The following ZNF804B variants were observed in gnomAD, a reference collection of about 807,000 sequenced individuals.
The protein encoded by ZNF804B is zinc finger protein 804B, also known as zinc finger 804B.
In ZNF804B, 80 loss-of-function variants were observed where a neutral mutation model predicts 101.4. The ratio of observed to expected loss-of-function variants is 0.79; its 90% CI spans 0.66 to 0.95. The LOEUF is 0.95. ZNF804B is among the 40% of genes least tolerant of loss of function. The probability of loss-of-function intolerance (pLI) is 0.00; values close to 1 mark genes in which losing one functional copy is unlikely to be tolerated. For synonymous variants in ZNF804B, 622 were observed against 558.8 expected (o/e 1.11, Z -1.59); for missense variants, 1,673 against 1,561.9 (o/e 1.07, Z -1.20).
At chr7:88,790,269 T>A (rs1373452836) in intron 1 of ZNF804B, among the ~76,000 whole-genome samples, 1 of 152,188 alleles carries the variant, frequency 6.6e-6, no homozygotes, top group Non-Finnish European at 1.5e-5. Flanking sequence ...TCTTTATTTT[T>A]AAAATATTTT....
chr7:88,875,962 G>A (rs542541978), intron 1 of ZNF804B, among the ~76,000 whole-genome samples: 5 of 152,152 alleles, frequency 3.3e-5, no homozygotes, highest in East Asian at 1.9e-4. Flanking sequence ...CTTATCCACT[G>A]TGAGCAAGTG....
chr7:88,767,954 G>A (rs138896865), intron 1 of ZNF804B, among the ~76,000 whole-genome samples: 19 of 152,218 alleles, frequency 1.2e-4, no homozygotes, highest in African/African-American at 4.6e-4. Flanking sequence ...CCTTTCACAG[G>A]TCAAGTGCAT....
intron 1 of ZNF804B, among the ~76,000 whole-genome samples, chr7:89,214,263 A>C (rs1788851418): frequency 6.6e-6 from 1 of 152,236 alleles, no homozygotes; most frequent in Admixed American, 6.5e-5. Flanking sequence ...AGTGATTAAC[A>C]AGAAGCTTTC....
chr7:89,015,653 A>G (rs1788540347), intron 1 of ZNF804B, among the ~76,000 whole-genome samples: 2 of 152,264 alleles, frequency 1.3e-5, no homozygotes, highest in Non-Finnish European at 1.5e-5. Context: ...ATGTCCCTAC[A>G]AAGGACATGA....
At chr7:89,230,078 AG>A (rs1789166363) in intron 2 of ZNF804B, among the ~76,000 whole-genome samples, 1 of 152,146 alleles carries the variant, frequency 6.6e-6, no homozygotes, top group African/African-American at 2.4e-5. Context: ...TATTGAAAAA[AG>A]AAATATCAAA....
chr7:88,761,725 A>T (rs1330519471), intron 1 of ZNF804B, among the ~76,000 whole-genome samples: 1 of 152,140 alleles, frequency 6.6e-6, no homozygotes, highest in African/African-American at 2.4e-5. Flanking sequence ...AGGGCATTGT[A>T]CTGTTTGTGC....
At chr7:88,786,962 G>A (rs879365099) in intron 1 of ZNF804B, among the ~76,000 whole-genome samples, 5 of 152,072 alleles carry the variant, frequency 3.3e-5, no homozygotes, top group Non-Finnish European at 7.4e-5. Context: ...ACACAAACAT[G>A]GCAGCAGAAT....
intron 1 of ZNF804B, among the ~76,000 whole-genome samples, chr7:89,000,967 AT>A (rs1377591496): frequency 1.5e-4 from 22 of 147,674 alleles, no homozygotes; most frequent in East Asian, 1.4e-3. Flanking sequence ...CAAATTTTAT[AT>A]AATCATATAA....
intron 1 of ZNF804B, among the ~76,000 whole-genome samples, chr7:89,138,269 C>T (rs1377897403): frequency 6.6e-6 from 1 of 152,082 alleles, no homozygotes; most frequent in Non-Finnish European, 1.5e-5. Context: ...GGGCCATTGT[C>T]CTCCAGACCT....
chr7:89,236,063 A>G (rs748352971), intron 2 of ZNF804B, among the ~76,000 whole-genome samples: 48 of 152,244 alleles, frequency 3.2e-4, no homozygotes, highest in Non-Finnish European at 6.5e-4. Context: ...AATGCTTAGT[A>G]GGTGTAATAA....
chr7:88,798,105 T>C (rs1428213694), intron 1 of ZNF804B, among the ~76,000 whole-genome samples: 1 of 152,050 alleles, frequency 6.6e-6, no homozygotes, highest in African/African-American at 2.4e-5. Flanking sequence ...CCTTGATGGC[T>C]TCCCCCTTCT....
At chr7:88,974,662 A>T (rs1793589406) in intron 1 of ZNF804B, among the ~76,000 whole-genome samples, 1 of 151,270 alleles carries the variant, frequency 6.6e-6, no homozygotes, top group Non-Finnish European at 1.5e-5. Context: ...TTTAATTTTT[A>T]TGGGTATGTA....
intron 1 of ZNF804B, among the ~76,000 whole-genome samples, chr7:89,011,532 A>G (rs566245500): frequency 6.6e-6 from 1 of 152,328 alleles, no homozygotes; most frequent in East Asian, 1.9e-4. Context: ...CTTCCTAGAT[A>G]CAATAGAGAT....
At chr7:89,134,244 G>A (rs1357366550) in intron 1 of ZNF804B, among the ~76,000 whole-genome samples, 2 of 152,052 alleles carry the variant, frequency 1.3e-5, no homozygotes, top group African/African-American at 4.8e-5. Flanking sequence ...TATCTGCTAA[G>A]TAACCAACCA....
At chr7:88,938,728 A>G (rs1793011011) in intron 1 of ZNF804B, among the ~76,000 whole-genome samples, 1 of 152,058 alleles carries the variant, frequency 6.6e-6, no homozygotes, top group South Asian at 2.1e-4. Flanking sequence ...AGTAGAAAGT[A>G]CTGAGATAAA....
chr7:89,215,338 C>T (rs61472109), intron 1 of ZNF804B, among the ~76,000 whole-genome samples: 6 of 152,052 alleles, frequency 3.9e-5, no homozygotes, highest in Non-Finnish European at 8.8e-5. Context: ...ACTTAAAGAA[C>T]GTTTTAGAAA....
chr7:89,241,893 CTTTTTTT>C (rs76245356), intron 2 of ZNF804B, among the ~76,000 whole-genome samples: 1 of 133,626 alleles, frequency 7.5e-6, no homozygotes, highest in South Asian at 2.4e-4. Context: ...CTACCTTTTT[CTTTTTTT>C]TTTTTTTCTC....
intron 2 of ZNF804B, among the ~76,000 whole-genome samples, chr7:89,284,450 G>C (rs757875760): frequency 5.3e-5 from 8 of 152,168 alleles, no homozygotes; most frequent in Non-Finnish European, 1.0e-4. Flanking sequence ...AATTTGAATT[G>C]CTTGACATGT....
intron 1 of ZNF804B, among the ~76,000 whole-genome samples, chr7:88,791,916 G>C (rs181657660): frequency 2.0e-5 from 3 of 152,152 alleles, no homozygotes; most frequent in Non-Finnish European, 4.4e-5. Flanking sequence ...TCCACACAAT[G>C]TCAACTGAGC....
Sources: allele counts gnomAD v4.1 joint callset (sites outside exome capture counted in the v4.1 genomes callset), GRCh38; gene constraint gnomAD v4.1.1; transcripts MANE v1.5; gene names NCBI Gene and HGNC (gene_info 2026-07-23, HGNC 2026-07-21).